WNK3: variants seen among roughly 807,000 people sequenced by gnomAD.
WNK3 encodes the protein WNK lysine deficient protein kinase 3.
Under a neutral mutation model 116.7 loss-of-function variants are expected in WNK3, and 18 were observed. That is an observed-to-expected ratio of 0.15 (90% CI 0.11 to 0.23). WNK3 has a LOEUF of 0.23. Among genes scored for constraint, WNK3 ranks in the 10% least tolerant of loss-of-function variants. WNK3 has a pLI of 1.00. For synonymous variants in WNK3, 404 were observed against 469.4 expected (o/e 0.86, Z 1.80); for missense variants, 993 against 1,323.8 (o/e 0.75, Z 3.88).
chrX:54,251,519 C>T lies in WNK3; in HGVS notation c.2523+13G>A, dbSNP rs1467420423. On this transcript the variant is annotated intron_variant, in intron 14 of 23. Transcript: ENST00000354646. Reference sequence around the variant, plus strand: ...TATCTGAGAAGATCTGTTTGCTAAACAATTGTTCTCACCTGGCTACTGTTG... The same window carrying T: ...TATCTGAGAAGATCTGTTTGCTAAATAATTGTTCTCACCTGGCTACTGTTG... 8.3e-7 allele frequency: 1 copy of T among 1,206,017 alleles called. No homozygotes were observed. Among genetic ancestry groups the T allele is most frequent in the Non-Finnish European group, 1.1e-6 (1 of 893,512 alleles).
intron 7 of WNK3, among the ~76,000 whole-genome samples, chrX:54,295,129 C>T (rs181463280): frequency 7.3e-5 from 8 of 108,893 alleles, no homozygotes; most frequent in African/African-American, 1.0e-4. Context: ...GAATTCCTGA[C>T]GTCGTGATCC....
intron 1 of WNK3, among the ~76,000 whole-genome samples, chrX:54,344,170 G>A (rs1322924429): frequency 3.6e-5 from 4 of 112,631 alleles, no homozygotes; most frequent in African/African-American, 6.4e-5. Context: ...CTGGCTGGGC[G>A]CAGTGGCTTA....
chrX:54,291,874 C>T (rs1274777650), intron 10 of WNK3, among the ~76,000 whole-genome samples: 9 of 111,659 alleles, frequency 8.1e-5, no homozygotes, highest in African/African-American at 2.6e-4. Flanking sequence ...CTAAATCAGG[C>T]ATTCTCTGTT....
At chrX:54,299,332 T>C (rs188643951) in intron 6 of WNK3, among the ~76,000 whole-genome samples, 6 of 111,013 alleles carry the variant, frequency 5.4e-5, no homozygotes, top group Admixed American at 1.9e-4. Flanking sequence ...AATACTTAAC[T>C]AAGATGGTGT....
chrX:54,225,034 T>C (rs910988363), intron 22 of WNK3, among the ~76,000 whole-genome samples: 1 of 109,018 alleles, frequency 9.2e-6, no homozygotes, highest in Non-Finnish European at 1.9e-5. Flanking sequence ...TTAGCATACA[T>C]GAGTTCAAGA....
intron 2 of WNK3, among the ~76,000 whole-genome samples, chrX:54,315,042 T>C (rs1252179313): frequency 9.1e-6 from 1 of 110,454 alleles, no homozygotes; most frequent in African/African-American, 3.3e-5. Flanking sequence ...ATGCCTGTAA[T>C]ATCAGTACTT....
At chrX:54,353,943 G>A (rs1557178947) in intron 1 of WNK3, among the ~76,000 whole-genome samples, 2 of 108,406 alleles carry the variant, frequency 1.8e-5, no homozygotes. Context: ...TTAGCCAGGC[G>A]TGGTGGCATG....
chrX:54,352,001 T>C (rs2069522778), intron 1 of WNK3, among the ~76,000 whole-genome samples: 1 of 110,779 alleles, frequency 9.0e-6, no homozygotes, highest in Admixed American at 9.7e-5. Context: ...CTGATTAGGG[T>C]CTAGTATCTA....
rs1043713808 is a variant in WNK3 at position 54,280,037 on chromosome X, C to T, written c.2037+12851G>A. Among the ~76,000 whole-genome samples the T allele has an allele frequency of 1.2e-4, 14 of 112,407 alleles. No individual in the cohort carries two copies. In the East Asian group the frequency reaches 3.1e-3, roughly 25 times the overall value. On this transcript the variant is annotated intron_variant, in intron 10 of 23. Transcript: ENST00000354646. The stretch of plus-strand genomic sequence containing the variant: ...TCTAGGCCGGGCGTAGTGGCTCACG[C>T]CTGTAAATCCCAGCACTTCGGGAGG...
intron 7 of WNK3, among the ~76,000 whole-genome samples, chrX:54,295,745 T>C (rs1303911202): frequency 9.5e-6 from 1 of 104,995 alleles, no homozygotes; most frequent in Non-Finnish European, 1.9e-5. Flanking sequence ...TAGAATGCAG[T>C]GGTACAATGA....
At chrX:54,256,222 G>A (rs1168784100) in intron 11 of WNK3, among the ~76,000 whole-genome samples, 2 of 111,725 alleles carry the variant, frequency 1.8e-5, no homozygotes, top group Non-Finnish European at 3.8e-5. Context: ...CCTCTGTGGA[G>A]CCTTTTATTA....
At chrX:54,345,326 GTATT>G (rs2069407878) in intron 1 of WNK3, among the ~76,000 whole-genome samples, 2 of 106,631 alleles carry the variant, frequency 1.9e-5, no homozygotes, top group Non-Finnish European at 3.9e-5. Flanking sequence ...ATGTATGTAT[GTATT>G]TGAGTGGATT....
chrX:54,215,479 G>A (rs781904718), intron 22 of WNK3, among the ~76,000 whole-genome samples: 33 of 112,734 alleles, frequency 2.9e-4, no homozygotes, highest in Middle Eastern at 4.6e-3. Flanking sequence ...ACGGAGTCTC[G>A]CTCACTCAGT....
At chrX:54,244,042 A>G (rs1300060162) in intron 17 of WNK3, among the ~76,000 whole-genome samples, 1 of 112,152 alleles carries the variant, frequency 8.9e-6, no homozygotes, top group East Asian at 2.8e-4. Flanking sequence ...CTATACTGAC[A>G]GAAAGCAGAT....
intron 22 of WNK3, among the ~76,000 whole-genome samples, chrX:54,225,717 A>T (rs782737292): frequency 9.0e-6 from 1 of 110,805 alleles, no homozygotes; most frequent in African/African-American, 3.3e-5. Context: ...CATTTTAAAG[A>T]TAACAATACT....
At chrX:54,279,666 A>G (rs1235535698) in intron 10 of WNK3, among the ~76,000 whole-genome samples, 1 of 112,339 alleles carries the variant, frequency 8.9e-6, no homozygotes, top group Non-Finnish European at 1.9e-5. Context: ...AAAAACTGTG[A>G]AGAATTCAGA....
At chrX:54,259,648 T>C (rs1156595041) in intron 10 of WNK3, among the ~76,000 whole-genome samples, 2 of 111,847 alleles carry the variant, frequency 1.8e-5, no homozygotes, top group African/African-American at 6.5e-5. Flanking sequence ...CCAGTCCTAG[T>C]TGTAAGACTA....
chrX:54,232,289 C>T lies in WNK3; in HGVS notation c.4840+520G>A, dbSNP rs190186046. Among the ~76,000 whole-genome samples, 553 of 109,921 alleles carry T rather than the reference C, an allele frequency of 5.0e-3. 6 individuals are homozygous for T. The highest frequency in any genetic ancestry group is 0.018 in the African/African-American group (540 of 30,226). ...CCTGAGTAGCTGGGATTACAGGCGC[C>T]TGCCACCACATCCAGCTAATTTTTG... On this transcript the variant is annotated intron_variant, in intron 21 of 23. Transcript: ENST00000354646.
At chrX:54,341,397 A>C (rs2069322342) in intron 1 of WNK3, among the ~76,000 whole-genome samples, 1 of 102,623 alleles carries the variant, frequency 9.7e-6, no homozygotes, top group African/African-American at 3.6e-5. Context: ...GCTCCATCTC[A>C]AAAAAAAAAA....
Sources: gnomAD v4.1 joint callset for allele counts (sites outside exome capture counted in the v4.1 genomes callset) on GRCh38, gnomAD v4.1.1 for gene constraint, MANE v1.5 for transcripts, NCBI Gene and HGNC (gene_info 2026-07-23, HGNC 2026-07-21) for gene names.